Variants in B3GAT2 observed in about 807,000 individuals in gnomAD.
The protein encoded by B3GAT2 is galactosylgalactosylxylosylprotein 3-beta-glucuronosyltransferase 2.
Under a neutral mutation model 27.8 loss-of-function variants are expected in B3GAT2, and 26 were observed. The observed-to-expected ratio is 0.93, with a 90% CI of 0.68 to 1.30. The LOEUF (loss-of-function observed/expected upper bound fraction) is 1.30. Among genes scored for constraint, B3GAT2 ranks in the 50% most tolerant of loss-of-function variants. The pLI is 0.00. For missense variants in B3GAT2, 458 were observed against 459.0 expected (o/e 1.00, Z 0.02); for synonymous variants, 218 against 195.1 (o/e 1.12, Z -0.98).
chr6:70,909,208 T>C (rs1772649140), intron 1 of B3GAT2, among the ~76,000 whole-genome samples: 1 of 152,074 alleles, frequency 6.6e-6, no homozygotes, highest in African/African-American at 2.4e-5. Flanking sequence ...ACAGCAGTGT[T>C]TATGTAAATA....
At position 70,860,313 on chromosome 6, in the gene B3GAT2, C is replaced by T; in HGVS notation, c.*1350G>A. The stretch of plus-strand genomic sequence containing the variant: ...CTGGAAGCTCATCAGGTCAGACTCT[C>T]AGCACACAACTGTGGAAATGAAAAC... On this transcript the variant is annotated 3_prime_UTR_variant, in exon 4 of 4. Transcript: ENST00000230053. 4 of 1,610,374 alleles carry T rather than the reference C, an allele frequency of 2.5e-6. No homozygotes were observed. Among genetic ancestry groups the T allele is most frequent in the Non-Finnish European group, 3.4e-6 (4 of 1,179,050 alleles).
At position 70,902,968 on chromosome 6, in the gene B3GAT2, A is replaced by G. The variant is rs989310354; in HGVS notation, c.592-8696T>C. On this transcript the variant is annotated intron_variant, in intron 1 of 3. Coordinates refer to ENST00000230053, the MANE Select transcript of B3GAT2 (RefSeq NM_080742.3). ...GGAATAAGTTCAAGAGATCTATTGT[A>G]TATCATGGTGACTATAGTTAATATA... Among the ~76,000 whole-genome samples the G allele has an allele frequency of 1.2e-4, 19 of 152,082 alleles. 1 individual carries two copies. The highest frequency in any genetic ancestry group is 2.5e-4 in the Non-Finnish European group (17 of 67,998).
chr6:70,956,095 T>G lies in B3GAT2; in HGVS notation c.335A>C (p.His112Pro), dbSNP rs1765651946. 1.2e-6 allele frequency: 2 copies of G among 1,600,770 alleles called. No homozygotes were observed. Among genetic ancestry groups the G allele is most frequent in the Non-Finnish European group, 1.7e-6 (2 of 1,175,368 alleles). Residue 112 changes from histidine (H) to proline (P), a missense_variant, in exon 1 of 4, where the codon CAC becomes CCC. His to Pro is a moderately conservative substitution (Grantham distance 77, BLOSUM62 -2). Transcript: ENST00000230053. Reference sequence around the variant, plus strand: ...CGCCGCGTCCTCCACCAGGATCCAGTGCAGCTGCGCCACCTGGCGGAACGT... The same window carrying G: ...CGCCGCGTCCTCCACCAGGATCCAGGGCAGCTGCGCCACCTGGCGGAACGT... The part of the protein sequence containing the change: ...ANTFRQVAQL[H>P]WILVEDAAAR...
At chr6:70,865,041 C>T (rs1456542546) in intron 2 of B3GAT2, among the ~76,000 whole-genome samples, 1 of 152,222 alleles carries the variant, frequency 6.6e-6, no homozygotes, top group African/African-American at 2.4e-5. Flanking sequence ...CCCTCTGTAT[C>T]TGCAGATGCA....
In B3GAT2 at chr6:70,920,239, A is replaced by T. The variant is rs147812527; in HGVS notation, c.592-25967T>A. Among the ~76,000 whole-genome samples the T allele has an allele frequency of 5.7e-3, 869 of 152,274 alleles. 5 individuals carry two copies. Among genetic ancestry groups the T allele is most frequent in the Middle Eastern group, 0.041 (12 of 294 alleles). On this transcript the variant is annotated intron_variant, in intron 1 of 3. Transcript: ENST00000230053. ...GTGGGACCCACCGAGCAGGCATGGG[A>T]GGGAATCTTCCGGTCTGCCTGTTGC...
rs761780690 is a variant in B3GAT2, at chr6:70,859,667, T to C, written c.*1996A>G. ...TATATATATATATTTGACTCCAGTC[T>C]TGAAGAAAAATACATGTAATCTTAT... On this transcript the variant is annotated 3_prime_UTR_variant, in exon 4 of 4. Coordinates refer to ENST00000230053, the MANE Select transcript of B3GAT2 (RefSeq NM_080742.3). 7.9e-6 allele frequency: 2 copies of C among 253,552 alleles called. No homozygotes were observed. Among genetic ancestry groups the C allele is most frequent in the Non-Finnish European group, 1.5e-5 (2 of 134,988 alleles). 15.7% of individuals were successfully genotyped at this position (253,552 alleles called of 1,614,324 possible).
At chr6:70,918,538 G>A (rs1343772859) in intron 1 of B3GAT2, among the ~76,000 whole-genome samples, 1 of 152,156 alleles carries the variant, frequency 6.6e-6, no homozygotes, top group East Asian at 1.9e-4. Flanking sequence ...GGTACCGGTT[G>A]TTCCTTTCCA....
rs1420522705 is a variant in B3GAT2, at chr6:70,956,983, T to G, written c.-554A>C. 8.0e-6 allele frequency: 8 copies of G among 998,146 alleles called. No homozygotes were observed. Among genetic ancestry groups the G allele is most frequent in the Non-Finnish European group, 9.5e-6 (8 of 839,012 alleles). The allele number at this position is 998,146 out of a possible 1,614,324, so 61.8% of individuals were successfully genotyped here. The stretch of plus-strand genomic sequence containing the variant: ...GAGACGCTGGGGGTTGTGTCCCGGC[T>G]GTGTTCGCGCGCCGCAGCGGAAGCC... On this transcript the variant is annotated 5_prime_UTR_variant, in exon 1 of 4. Transcript: ENST00000230053.
At chr6:70,923,713 AC>A (rs1340932824) in intron 1 of B3GAT2, among the ~76,000 whole-genome samples, 1 of 152,194 alleles carries the variant, frequency 6.6e-6, no homozygotes, top group Non-Finnish European at 1.5e-5. Flanking sequence ...TCACAGGTAG[AC>A]AATTCAGAAA....
At chr6:70,872,778 G>A (rs905538582) in intron 2 of B3GAT2, among the ~76,000 whole-genome samples, 10 of 151,218 alleles carry the variant, frequency 6.6e-5, no homozygotes, top group Non-Finnish European at 1.5e-4. Flanking sequence ...CTCTATTACT[G>A]CCTTCTTTAT....
At chr6:70,903,467 C>A (rs1772543512) in intron 1 of B3GAT2, among the ~76,000 whole-genome samples, 1 of 151,904 alleles carries the variant, frequency 6.6e-6, no homozygotes, top group African/African-American at 2.4e-5. Context: ...ATACATCTGA[C>A]AAAACACTAG....
chr6:70,920,385 A>T (rs1772847622), intron 1 of B3GAT2, among the ~76,000 whole-genome samples: 1 of 152,222 alleles, frequency 6.6e-6, no homozygotes, highest in South Asian at 2.1e-4. Flanking sequence ...TTCCTCGGTG[A>T]GGGATGCCCC....
At chr6:70,892,466 G>A (rs568993) in intron 2 of B3GAT2, among the ~76,000 whole-genome samples, 15,127 of 152,152 alleles carry the variant, frequency 0.099, 1,483 homozygotes, top group East Asian at 0.28. Context: ...GACATCCCAC[G>A]TGTTAAGGAG....
chr6:70,877,164 C>A (rs1338483912), intron 2 of B3GAT2, among the ~76,000 whole-genome samples: 1 of 152,150 alleles, frequency 6.6e-6, no homozygotes, highest in Non-Finnish European at 1.5e-5. Context: ...GAGAGACCAG[C>A]AAAGTGTCTG....
chr6:70,895,193 T>A (rs573204659), intron 1 of B3GAT2, among the ~76,000 whole-genome samples: 150 of 152,290 alleles, frequency 9.8e-4, no homozygotes, highest in Non-Finnish European at 9.6e-4. Context: ...TTGGACGAGG[T>A]ATAACCTGCA....
rs922728105 is a variant in B3GAT2, at chr6:70,897,294, T to C, written c.592-3022A>G. On this transcript the variant is annotated intron_variant, in intron 1 of 3. Coordinates refer to ENST00000230053, the MANE Select transcript of B3GAT2 (RefSeq NM_080742.3). ...TTTATATATTCTGCACACAAATCTT[T>C]TATATGATGTATAAATATTTTCTCC... Among the ~76,000 whole-genome samples, 3 of 152,360 alleles carry C rather than the reference T, an allele frequency of 2.0e-5. No individual in the cohort carries two copies. The East Asian group carries it at 5.8e-4, about 29-fold the overall frequency.
Position 70,859,132 on chromosome 6 carries a change from A to C in B3GAT2, c.*2531T>G. On this transcript the variant is annotated 3_prime_UTR_variant, in exon 4 of 4. Transcript: ENST00000230053. ...CTAGAGTGATTTCTAACATTAGCAC[A>C]ATCACTATATATCACAGTTAATTTT... 1 of 466,108 alleles carries C rather than the reference A, an allele frequency of 2.1e-6. No individual in the cohort carries two copies. Among genetic ancestry groups the C allele is most frequent in the East Asian group, 3.5e-5 (1 of 28,692 alleles). The allele number at this position is 466,108 out of a possible 1,614,324, so 28.9% of individuals were successfully genotyped here.
intron 2 of B3GAT2, among the ~76,000 whole-genome samples, chr6:70,879,326 C>T (rs1562216499): frequency 1.3e-5 from 2 of 152,170 alleles, no homozygotes; most frequent in East Asian, 1.9e-4. Flanking sequence ...ACACCTTTCT[C>T]CATTATTCTG....
intron 2 of B3GAT2, among the ~76,000 whole-genome samples, chr6:70,867,864 A>C (rs1368879382): frequency 6.6e-6 from 1 of 152,192 alleles, no homozygotes; most frequent in Non-Finnish European, 1.5e-5. Context: ...ACATTACAAG[A>C]AAACTACAGA....
Sources: gnomAD v4.1 joint callset for allele counts (sites outside exome capture counted in the v4.1 genomes callset) on GRCh38, gnomAD v4.1.1 for gene constraint, MANE v1.5 for transcripts, NCBI Gene and HGNC (gene_info 2026-07-23, HGNC 2026-07-21) for gene names.